The following MKNK1 variants were observed in gnomAD, a reference collection of about 807,000 sequenced individuals.
MKNK1 encodes the protein MAP kinase-interacting serine/threonine-protein kinase 1.
Under a neutral mutation model 49.3 loss-of-function variants are expected in MKNK1, and 30 were observed. The ratio of observed to expected loss-of-function variants is 0.61; its 90% CI spans 0.46 to 0.83. MKNK1 has a LOEUF of 0.83. Among genes scored for constraint, MKNK1 ranks in the 40% least tolerant of loss-of-function variants. The pLI is 0.00. For missense variants in MKNK1, 423 were observed against 524.7 expected (o/e 0.81, Z 1.89); for synonymous variants, 176 against 201.7 (o/e 0.87, Z 1.08).
At position 46,590,795 on chromosome 1, in the gene MKNK1, G is replaced by A. The variant is rs1037271014; in HGVS notation, c.-3+3318C>T. Among the ~76,000 whole-genome samples the A allele has an allele frequency of 4.6e-5, 7 of 152,366 alleles. No homozygotes were observed. The East Asian group carries it at 1.2e-3, about 25-fold the overall frequency. On this transcript the variant is annotated intron_variant, in intron 2 of 12. Transcript: ENST00000371945. ...TCCAGTCACTCACTGTTACTTAGGT[G>A]TGCAGAACAGTATCATTTTCAGCGT...
intron 11 of MKNK1, among the ~76,000 whole-genome samples, 170 bp downstream of exon 11, chr1:46,561,308 T>C (rs2148545205): frequency 6.6e-6 from 1 of 152,350 alleles, no homozygotes; most frequent in Middle Eastern, 3.4e-3. Context: ...GGGCTCAGTC[T>C]GGGGTAACAG....
At chr1:46,590,920 T>C (rs758101649) in intron 2 of MKNK1, among the ~76,000 whole-genome samples, 7 of 152,376 alleles carry the variant, frequency 4.6e-5, no homozygotes, top group South Asian at 2.1e-4. Flanking sequence ...AAAAACTTCA[T>C]TTATCAGAAG....
intron 11 of MKNK1, among the ~76,000 whole-genome samples, chr1:46,561,256 T>C (rs1232797145): frequency 6.6e-6 from 1 of 152,216 alleles, no homozygotes; most frequent in Non-Finnish European, 1.5e-5. Flanking sequence ...TGTTGGGGCT[T>C]AGTCTGTGGC....
chr1:46,590,333 A>C (rs904079992), intron 2 of MKNK1, among the ~76,000 whole-genome samples: 1 of 152,238 alleles, frequency 6.6e-6, no homozygotes, highest in Non-Finnish European at 1.5e-5. Flanking sequence ...TAGCCGGAGC[A>C]GTATTAGAGT....
intron 2 of MKNK1, among the ~76,000 whole-genome samples, chr1:46,588,335 TTCTC>T (rs1672870212): frequency 6.6e-6 from 1 of 152,276 alleles, no homozygotes; most frequent in Non-Finnish European, 1.5e-5. Flanking sequence ...ACCATAATCT[TTCTC>T]TAATACACAT....
chr1:46,576,762 TC>T, intron 4 of MKNK1, 108 bp from the exon 5 acceptor site: 1 of 956,472 alleles, frequency 1.0e-6, no homozygotes, highest in Non-Finnish European at 1.7e-6. Context: ...AAATCCAGTG[TC>T]CAGCAGAAGT....
intron 2 of MKNK1, among the ~76,000 whole-genome samples, chr1:46,592,664 T>G (rs1570308023): frequency 1.3e-5 from 2 of 151,672 alleles, no homozygotes; most frequent in Non-Finnish European, 2.9e-5. Flanking sequence ...GGAGGTGAGG[T>G]GTGTAACAGA....
intron 1 of MKNK1, among the ~76,000 whole-genome samples, chr1:46,603,018 C>G (rs764223859): frequency 8.5e-5 from 13 of 152,162 alleles, no homozygotes; most frequent in Non-Finnish European, 1.8e-4. Context: ...CTGCAAAATA[C>G]CAGAGTAACA....
intron 2 of MKNK1, among the ~76,000 whole-genome samples, chr1:46,584,983 G>T (rs55680528): frequency 6.6e-6 from 1 of 151,782 alleles, no homozygotes; most frequent in African/African-American, 2.4e-5. Context: ...AGGCACCATG[G>T]CTCACGCCTG....
At chr1:46,599,333 A>T (rs1336402660) in intron 1 of MKNK1, among the ~76,000 whole-genome samples, 1 of 152,198 alleles carries the variant, frequency 6.6e-6, no homozygotes, top group Non-Finnish European at 1.5e-5. Flanking sequence ...GGATGTGCCA[A>T]ACAGGCTGCC....
chr1:46,561,150 A>C (rs533743544), intron 11 of MKNK1, among the ~76,000 whole-genome samples: 3 of 152,312 alleles, frequency 2.0e-5, no homozygotes, highest in Admixed American at 1.3e-4. Context: ...GTCCTCAGCT[A>C]ATGATGCTTC....
intron 1 of MKNK1, among the ~76,000 whole-genome samples, chr1:46,597,981 C>T (rs940138713): frequency 1.4e-4 from 21 of 152,108 alleles, no homozygotes; most frequent in African/African-American, 4.3e-4. Context: ...GCTGTTTAGC[C>T]GGGAGAAGAG....
intron 2 of MKNK1, among the ~76,000 whole-genome samples, chr1:46,587,232 G>A (rs1311152224): frequency 6.6e-6 from 1 of 152,236 alleles, no homozygotes; most frequent in Non-Finnish European, 1.5e-5. Context: ...CTGGTCTGGA[G>A]GCTCCCAGCA....
intron 2 of MKNK1, among the ~76,000 whole-genome samples, chr1:46,590,729 C>A (rs925650859): frequency 1.1e-4 from 16 of 152,244 alleles, no homozygotes; most frequent in African/African-American, 2.9e-4. Flanking sequence ...AGCTTCCCTG[C>A]TGATGTGCTG....
At chr1:46,562,111 C>CA (rs1668092125) in intron 10 of MKNK1, among the ~76,000 whole-genome samples, 2 of 152,222 alleles carry the variant, frequency 1.3e-5, no homozygotes, top group Middle Eastern at 6.8e-3. Flanking sequence ...AGAGTCAGTT[C>CA]AGGGCTGGGC....
rs74072640 is a variant in MKNK1 at position 46,589,942 on chromosome 1, C to T, written c.-3+4171G>A. Reference sequence around the variant, plus strand: ...ATGAAACCAGAGATGATCCTCTCCCCACTGAGAACCCGACTTTGCTGGCTA... The same window carrying T: ...ATGAAACCAGAGATGATCCTCTCCCTACTGAGAACCCGACTTTGCTGGCTA... On this transcript the variant is annotated intron_variant, in intron 2 of 12. Transcript: ENST00000371945. The surrounding 1 kb of genome is among the most constrained non-coding windows in gnomAD (Gnocchi z 4.3). Among the ~76,000 whole-genome samples, 218 of 152,312 alleles carry T rather than the reference C, an allele frequency of 1.4e-3. 1 individual carries two copies. The highest frequency in any genetic ancestry group is 4.2e-3 in the African/African-American group (173 of 41,570).
At chr1:46,571,798 A>T (rs995861690) in intron 7 of MKNK1, among the ~76,000 whole-genome samples, 1 of 152,168 alleles carries the variant, frequency 6.6e-6, no homozygotes, top group Non-Finnish European at 1.5e-5. Context: ...TTCAATGTGA[A>T]ATTTATTCTT....
intron 2 of MKNK1, 152 bp downstream of exon 2, chr1:46,593,961 T>A: frequency 1.6e-6 from 1 of 609,908 alleles, no homozygotes; most frequent in East Asian, 2.6e-5. Flanking sequence ...CTAAGCGTTA[T>A]CTGAGTCGTA....
At chr1:46,591,158 C>T (rs909993552) in intron 2 of MKNK1, among the ~76,000 whole-genome samples, 1 of 152,194 alleles carries the variant, frequency 6.6e-6, no homozygotes, top group African/African-American at 2.4e-5. Flanking sequence ...AGATTTAACA[C>T]ATGATGGATG....
Sources: gnomAD v4.1 joint callset for allele counts (sites outside exome capture counted in the v4.1 genomes callset) on GRCh38, gnomAD v4.1.1 for gene constraint, Gnocchi (gnomAD v3.1) non-coding constraint, MANE v1.5 for transcripts, NCBI Gene and HGNC (gene_info 2026-07-23, HGNC 2026-07-21) for gene names.